The following SHROOM2 variants were observed in gnomAD, a reference collection of about 807,000 sequenced individuals.
The protein encoded by SHROOM2 is shroom family member 2, also known as protein Shroom2.
Under a neutral mutation model 75.9 loss-of-function variants are expected in SHROOM2, and 33 were observed. The observed-to-expected ratio is 0.43, with a 90% CI of 0.33 to 0.58. SHROOM2 has a LOEUF of 0.58. SHROOM2 is among the 20% of genes least tolerant of loss of function. The probability of loss-of-function intolerance (pLI) is 0.04; values close to 1 mark genes in which losing one functional copy is unlikely to be tolerated. For synonymous variants in SHROOM2, 655 were observed against 663.6 expected, an observed-to-expected ratio of 0.99 and a Z score of 0.20; for missense variants, 1,434 against 1,461.2, an observed-to-expected ratio of 0.98 and a Z score of 0.30.
chrX:9,862,370 G>A (rs1002088879), intron 1 of SHROOM2, among the ~76,000 whole-genome samples: 1 of 109,674 alleles, frequency 9.1e-6, no homozygotes, highest in Non-Finnish European at 1.9e-5. Flanking sequence ...TTCGAATCTC[G>A]ATGGAAGATG....
intron 1 of SHROOM2, among the ~76,000 whole-genome samples, chrX:9,849,319 ATC>A (rs2084025652): frequency 9.0e-6 from 1 of 111,004 alleles, no homozygotes; most frequent in South Asian, 3.8e-4. Flanking sequence ...CCTCCTGTTG[ATC>A]TCTCCTCCCT....
At chrX:9,827,030 G>C (rs2083890742) in intron 1 of SHROOM2, among the ~76,000 whole-genome samples, 1 of 109,936 alleles carries the variant, frequency 9.1e-6, no homozygotes, top group African/African-American at 3.3e-5. Flanking sequence ...CCAGTGCAGT[G>C]GTGAAACCTT....
At chrX:9,935,416 G>T (rs901966024) in intron 6 of SHROOM2, among the ~76,000 whole-genome samples, 3 of 110,502 alleles carry the variant, frequency 2.7e-5, no homozygotes, top group African/African-American at 9.9e-5. Context: ...CTGGGCGCAA[G>T]CAGTCCTCCC....
At chrX:9,855,067 C>CT (rs199702519) in intron 1 of SHROOM2, among the ~76,000 whole-genome samples, 262 of 101,534 alleles carry the variant, frequency 2.6e-3, no homozygotes, top group Admixed American at 3.2e-3. Flanking sequence ...GTGGTCCACT[C>CT]TTTTTAAAAA....
rs779691813 is a variant in SHROOM2, at chrX:9,937,669, A to G, written c.4123A>G (p.Arg1375Gly). 1 of 1,190,672 alleles carries G rather than the reference A, an allele frequency of 8.4e-7. No homozygotes were observed. The highest frequency in any genetic ancestry group is 1.1e-6 in the Non-Finnish European group (1 of 884,473). ...GCTGCTCCCCAAAATCCCCTCTCCT[A>G]GAAGCACAGAGGAGAGGTGAGTAGG... is the stretch of plus-strand genomic sequence containing the variant. Reference protein sequence around the residue: ...RKLLPKIPSPRSTEERKEEPS... With the variant: ...RKLLPKIPSPGSTEERKEEPS... Residue 1375 changes from arginine to glycine, a missense_variant, in exon 7 of 10, where the codon AGA becomes GGA. Physicochemically the swap from Arg to Gly is moderately radical, Grantham distance 125. Transcript: ENST00000380913.
At chrX:9,794,125 G>T (rs59296266) in intron 1 of SHROOM2, among the ~76,000 whole-genome samples, 13,974 of 111,190 alleles carry the variant, frequency 0.13, 746 homozygotes, top group Non-Finnish European at 0.16. Flanking sequence ...CTGAGTCTGG[G>T]GGTACATACT....
At chrX:9,800,387 C>T (rs2083717814) in intron 1 of SHROOM2, among the ~76,000 whole-genome samples, 1 of 110,734 alleles carries the variant, frequency 9.0e-6, no homozygotes, top group Non-Finnish European at 1.9e-5. Flanking sequence ...GTCACCCAGG[C>T]TGGGGTGCAG....
intron 6 of SHROOM2, among the ~76,000 whole-genome samples, chrX:9,935,624 GA>G (rs2084696146): frequency 9.0e-6 from 1 of 111,584 alleles, no homozygotes. Context: ...CTACTGGAGA[GA>G]GGGAGGAAAA....
chrX:9,808,808 G>A (rs768493235), intron 1 of SHROOM2, among the ~76,000 whole-genome samples: 10 of 110,651 alleles, frequency 9.0e-5, no homozygotes, highest in Admixed American at 4.9e-4. Context: ...GTTGCAGTGA[G>A]CCAAGTTCGC....
At chrX:9,864,682 G>A (rs1354979853) in intron 1 of SHROOM2, among the ~76,000 whole-genome samples, 3 of 108,566 alleles carry the variant, frequency 2.8e-5, no homozygotes, top group Admixed American at 9.8e-5. Flanking sequence ...AAAATTAGCC[G>A]GGCGTAGTGG....
intron 1 of SHROOM2, among the ~76,000 whole-genome samples, chrX:9,797,628 G>A (rs913875451): frequency 1.7e-4 from 19 of 112,298 alleles, no homozygotes; most frequent in African/African-American, 5.8e-4. Context: ...GCCCATTGGC[G>A]TCTTTCCACC....
chrX:9,828,546 A>T (rs749267515), intron 1 of SHROOM2, among the ~76,000 whole-genome samples: 43 of 111,564 alleles, frequency 3.9e-4, no homozygotes, highest in African/African-American at 1.3e-3. Flanking sequence ...CAGTGGCATG[A>T]TGTTAACTCA....
At chrX:9,839,428 G>C (rs1341500291) in intron 1 of SHROOM2, among the ~76,000 whole-genome samples, 2 of 111,260 alleles carry the variant, frequency 1.8e-5, no homozygotes, top group Admixed American at 9.6e-5. Flanking sequence ...AGGTCAGAGA[G>C]CTCCCGCCTC....
intron 5 of SHROOM2, among the ~76,000 whole-genome samples, chrX:9,922,645 G>C (rs2084557346): frequency 9.0e-6 from 1 of 111,362 alleles, no homozygotes; most frequent in Non-Finnish European, 1.9e-5. Context: ...AGCACCACTG[G>C]TTGATCCACT....
intron 5 of SHROOM2, among the ~76,000 whole-genome samples, chrX:9,900,111 C>T: frequency 9.0e-6 from 1 of 111,433 alleles, no homozygotes; most frequent in East Asian, 2.8e-4. Flanking sequence ...CCATGTCTCC[C>T]AGCAGACTGC....
In SHROOM2 at chrX:9,932,695, C is replaced by A. The variant is rs2084662059; in HGVS notation, c.3412C>A (p.His1138Asn). Reference protein sequence around the residue: ...KATVCERGSQHVSGDASRPLP... With the variant: ...KATVCERGSQNVSGDASRPLP... ...CACTGTCTGTGAGCGTGGAAGCCAG[C>A]ATGTGAGCGGGGACGCATCACGTCC... The change falls in exon 6 of 10, where the codon CAT (histidine) becomes AAT (asparagine). Residue 1138 changes from histidine to asparagine, a missense_variant. By Grantham distance (68) the His-to-Asn change is moderately conservative. Transcript: ENST00000380913. The A allele has an allele frequency of 8.3e-7, 1 of 1,210,196 alleles. No homozygotes were observed. The highest frequency in any genetic ancestry group is 1.8e-5 in the South Asian group (1 of 56,808).
At chrX:9,902,251 GTAGA>G (rs1365212366) in intron 5 of SHROOM2, among the ~76,000 whole-genome samples, 1 of 108,757 alleles carries the variant, frequency 9.2e-6, no homozygotes, top group Non-Finnish European at 1.9e-5. Flanking sequence ...GGATGGATAA[GTAGA>G]TGGATGGATG....
chrX:9,803,054 G>C (rs764418428), intron 1 of SHROOM2, among the ~76,000 whole-genome samples: 7 of 107,784 alleles, frequency 6.5e-5, no homozygotes, highest in Middle Eastern at 4.7e-3. Context: ...TTAGCCCCCT[G>C]AGTAGCTGGG....
chrX:9,879,337 T>A (rs777746035), intron 2 of SHROOM2, among the ~76,000 whole-genome samples: 4 of 112,291 alleles, frequency 3.6e-5, no homozygotes, highest in Non-Finnish European at 7.5e-5. Context: ...CTCGGCTCAC[T>A]GCAACCTTCG....
Sources: allele counts gnomAD v4.1 joint callset (sites outside exome capture counted in the v4.1 genomes callset), GRCh38; gene constraint gnomAD v4.1.1; transcripts MANE v1.5; gene names NCBI Gene and HGNC (gene_info 2026-07-23, HGNC 2026-07-21).